PTPRD: variants seen among roughly 807,000 people sequenced by gnomAD.
PTPRD encodes receptor-type tyrosine-protein phosphatase delta.
PTPRD carries 34 observed loss-of-function variants against 214.5 expected under a neutral mutation model. The ratio of observed to expected loss-of-function variants is 0.16; its 90% CI spans 0.12 to 0.21. The LOEUF is 0.21. Among genes scored for constraint, PTPRD ranks in the 10% least tolerant of loss-of-function variants. The pLI is 1.00. For missense variants in PTPRD, 2,545 were observed against 2,398.7 expected (o/e 1.06, Z -1.27); for synonymous variants, 1,128 against 845.7 (o/e 1.33, Z -5.79).
chr9:10,454,143 T>C (rs111997334), intron 2 of PTPRD, among the ~76,000 whole-genome samples: 3 of 151,662 alleles, frequency 2.0e-5, no homozygotes, highest in Non-Finnish European at 4.4e-5. Context: ...TAAACTGTAA[T>C]CAACAGATTA....
intron 9 of PTPRD, among the ~76,000 whole-genome samples, chr9:9,230,287 A>C (rs2099962295): frequency 6.6e-6 from 1 of 152,134 alleles, no homozygotes; most frequent in African/African-American, 2.4e-5. Context: ...GATTAGGCTA[A>C]CTAAAATCTC....
intron 3 of PTPRD, among the ~76,000 whole-genome samples, chr9:10,270,303 G>C (rs2154382138): frequency 6.6e-6 from 1 of 152,150 alleles, no homozygotes. Flanking sequence ...TGCTGATATA[G>C]CATTCATATT....
chr9:10,536,742 C>T (rs545124121), intron 2 of PTPRD, among the ~76,000 whole-genome samples: 11 of 152,182 alleles, frequency 7.2e-5, no homozygotes, highest in Admixed American at 6.6e-4. Context: ...GAATAAAAAA[C>T]ATAAGTGAAA....
At chr9:8,420,741 GAA>G (rs2131558208) in intron 35 of PTPRD, among the ~76,000 whole-genome samples, 1 of 151,904 alleles carries the variant, frequency 6.6e-6, no homozygotes, top group East Asian at 1.9e-4. Flanking sequence ...TAGCTTTGGG[GAA>G]AGACAGCTCC....
intron 9 of PTPRD, among the ~76,000 whole-genome samples, chr9:9,292,991 T>C (rs1236841684): frequency 6.6e-6 from 1 of 151,574 alleles, no homozygotes; most frequent in Non-Finnish European, 1.5e-5. Context: ...CTTAAGGTAG[T>C]GCTTGTTAGC....
At chr9:10,166,706 G>A (rs1172149874) in intron 3 of PTPRD, among the ~76,000 whole-genome samples, 1 of 151,830 alleles carries the variant, frequency 6.6e-6, no homozygotes, top group Non-Finnish European at 1.5e-5. Context: ...ACTTGGAAGT[G>A]GATAATAATA....
chr9:9,655,598 A>G (rs1246237923), intron 7 of PTPRD, among the ~76,000 whole-genome samples: 1 of 151,672 alleles, frequency 6.6e-6, no homozygotes, highest in Non-Finnish European at 1.5e-5. Context: ...ACCAAACCAA[A>G]CCAAACCAAA....
In PTPRD at chr9:9,467,588, C is replaced by CAAAA. The variant is rs1176159031; in HGVS notation, c.-236-70110_-236-70107dup. Among the ~76,000 whole-genome samples, 292 of 55,926 alleles carry CAAAA rather than the reference C, an allele frequency of 5.2e-3. 10 individuals are homozygous for CAAAA. Among genetic ancestry groups the CAAAA allele is most frequent in the African/African-American group, 0.017 (265 of 15,242 alleles). 36.7% of individuals were successfully genotyped at this position (55,926 alleles called of 152,430 possible). On this transcript the variant is annotated intron_variant, in intron 8 of 45. Transcript: ENST00000381196. ...GGCGACAGAGCGGGACTCCATCTCC[C>CAAAA]AAAAAAAAAAAAAAAAAAAAAAGTT... is the stretch of plus-strand genomic sequence containing the variant.
At chr9:8,659,741 G>A (rs546414957) in intron 12 of PTPRD, among the ~76,000 whole-genome samples, 3 of 152,274 alleles carry the variant, frequency 2.0e-5, no homozygotes, top group African/African-American at 7.2e-5. Context: ...ACAGGGATCT[G>A]TTTGAGAATA....
chr9:9,613,514 T>A (rs192637796), intron 7 of PTPRD, among the ~76,000 whole-genome samples: 3 of 152,234 alleles, frequency 2.0e-5, no homozygotes, highest in Non-Finnish European at 4.4e-5. Flanking sequence ...TACAGAAGGA[T>A]CTCCCAAATT....
intron 35 of PTPRD, among the ~76,000 whole-genome samples, chr9:8,430,162 T>C (rs1373448911): frequency 6.6e-6 from 1 of 152,222 alleles, no homozygotes; most frequent in South Asian, 2.1e-4. Flanking sequence ...AGTATTTCTA[T>C]TAGAAAACTG....
chr9:10,304,468 A>G (rs2095986192), intron 3 of PTPRD, among the ~76,000 whole-genome samples: 1 of 152,172 alleles, frequency 6.6e-6, no homozygotes, highest in Non-Finnish European at 1.5e-5. Flanking sequence ...GAGGAAGTCA[A>G]ATTGTCTCTG....
At chr9:8,388,982 C>CTTT (rs34248103) in intron 37 of PTPRD, among the ~76,000 whole-genome samples, 1 of 130,054 alleles carries the variant, frequency 7.7e-6, no homozygotes, top group Non-Finnish European at 1.6e-5. Context: ...GTGAATATTC[C>CTTT]TTTTTTTTTT....
chr9:9,509,598 C>A (rs1250336980), intron 8 of PTPRD, among the ~76,000 whole-genome samples: 1 of 151,426 alleles, frequency 6.6e-6, no homozygotes, highest in Non-Finnish European at 1.5e-5. Context: ...ATAACAAACC[C>A]TAAATTTTAG....
At chr9:10,394,096 C>G (rs1463857775) in intron 2 of PTPRD, among the ~76,000 whole-genome samples, 5 of 142,434 alleles carry the variant, frequency 3.5e-5, no homozygotes, top group Admixed American at 1.4e-4. Context: ...ACATATCTAT[C>G]TCTCTCTATA....
At chr9:9,725,753 AT>A (rs1205437159) in intron 7 of PTPRD, among the ~76,000 whole-genome samples, 1 of 152,188 alleles carries the variant, frequency 6.6e-6, no homozygotes, top group East Asian at 1.9e-4. Flanking sequence ...GGTGACAAAT[AT>A]TTTTGTGAAA....
At chr9:9,733,819 C>T (rs560252163) in intron 7 of PTPRD, among the ~76,000 whole-genome samples, 1 of 152,232 alleles carries the variant, frequency 6.6e-6, no homozygotes, top group Admixed American at 6.5e-5. Context: ...ATCTTGTATA[C>T]ACTCAGAACA....
chr9:8,981,237 A>G (rs1269756920), intron 11 of PTPRD, among the ~76,000 whole-genome samples: 2 of 152,096 alleles, frequency 1.3e-5, no homozygotes, highest in Non-Finnish European at 2.9e-5. Context: ...ATTAAAAAAA[A>G]AGAAGCTAGT....
intron 20 of PTPRD, among the ~76,000 whole-genome samples, chr9:8,519,342 A>G (rs779548564): frequency 6.6e-6 from 1 of 152,182 alleles, no homozygotes; most frequent in Non-Finnish European, 1.5e-5. Flanking sequence ...AAATCAAAAT[A>G]CTACTAATTA....
Sources: gnomAD v4.1 joint callset for allele counts (sites outside exome capture counted in the v4.1 genomes callset) on GRCh38, gnomAD v4.1.1 for gene constraint, MANE v1.5 for transcripts, NCBI Gene and HGNC (gene_info 2026-07-23, HGNC 2026-07-21) for gene names.